TMEM266: variants seen among roughly 807,000 people sequenced by gnomAD.
The protein encoded by TMEM266 is transmembrane protein 266, also known as Hv1 related protein 1.
Under a neutral mutation model 50.5 loss-of-function variants are expected in TMEM266, and 33 were observed. The observed-to-expected ratio is 0.65, with a 90% confidence interval of 0.50 to 0.87. The LOEUF (loss-of-function observed/expected upper bound fraction) is 0.87, where lower values mean the gene tolerates loss of function less well. Among genes scored for constraint, TMEM266 ranks in the 40% least tolerant of loss-of-function variants. The pLI is 0.00. For synonymous variants in TMEM266, 310 were observed against 292.3 expected (o/e 1.06, Z -0.62); for missense variants, 655 against 695.1 (o/e 0.94, Z 0.65).
intron 8 of TMEM266, among the ~76,000 whole-genome samples, chr15:76,178,368 G>A (rs1372121064): frequency 6.6e-6 from 1 of 152,168 alleles, no homozygotes; most frequent in Non-Finnish European, 1.5e-5. Context: ...GTGTCATCCA[G>A]AAAGCGACTG....
intron 8 of TMEM266, among the ~76,000 whole-genome samples, chr15:76,179,048 C>T (rs1038429911): frequency 6.6e-6 from 1 of 152,032 alleles, no homozygotes; most frequent in Admixed American, 6.5e-5. Context: ...GTAACAGATA[C>T]CCTGGAGGAA....
chr15:76,143,930 A>T (rs964456157), intron 3 of TMEM266, among the ~76,000 whole-genome samples: 2 of 152,046 alleles, frequency 1.3e-5, no homozygotes, highest in Non-Finnish European at 2.9e-5. Flanking sequence ...TCCTGGACAT[A>T]CTCACAGGGA....
In TMEM266 at chr15:76,090,841, A is replaced by G. The variant is rs144122238; in HGVS notation, c.-97+30825A>G. Among the ~76,000 whole-genome samples, 3 of 152,342 alleles carry G rather than the reference A, an allele frequency of 2.0e-5. No homozygotes were observed. In the East Asian group the frequency reaches 5.8e-4, roughly 29 times the overall value. On this transcript the variant is annotated intron_variant, in intron 1 of 10. Transcript: ENST00000388942. The stretch of plus-strand genomic sequence containing the variant: ...CTAGATGGATGGAATAAGTTATAGT[A>G]TTCTATAGTACTGGGGGGTAAATAT...
chr15:76,146,940 G>T (rs2037766172), intron 3 of TMEM266, among the ~76,000 whole-genome samples: 1 of 152,234 alleles, frequency 6.6e-6, no homozygotes, highest in Admixed American at 6.5e-5. Flanking sequence ...CTTCCTCACG[G>T]CAGGGATCAG....
intron 1 of TMEM266, among the ~76,000 whole-genome samples, chr15:76,067,574 A>G (rs1474513720): frequency 6.7e-6 from 1 of 148,836 alleles, no homozygotes; most frequent in Non-Finnish European, 1.5e-5. Context: ...CGGAGGTTGC[A>G]ATGAGCCGAG....
Position 76,169,834 on chromosome 15 carries a change from G to A in TMEM266, c.475G>A (p.Val159Met). 1 of 1,614,032 alleles carries A rather than the reference G, an allele frequency of 6.2e-7. No homozygotes were observed. The highest frequency in any genetic ancestry group is 8.5e-7 in the Non-Finnish European group (1 of 1,179,942). ...TCCTCAGACTGTTCTACGGATTGTGGTGCTTGGGATCTGGGATTACATCGA... is the reference window on the plus strand; with the variant it reads ...TCCTCAGACTGTTCTACGGATTGTGATGCTTGGGATCTGGGATTACATCGA... The change falls in exon 6 of 11, where the codon GTG (valine) becomes ATG (methionine). Residue 159 changes from valine (V) to methionine (M), a missense_variant. Physicochemically the swap from Val to Met is conservative, Grantham distance 21. This residue lies in a region of TMEM266 where 101 missense variants were observed against 182.6 expected (regional missense o/e 0.55). Coordinates refer to ENST00000388942, the MANE Select transcript of TMEM266 (RefSeq NM_152335.3).
chr15:76,090,374 C>A (rs934142305), intron 1 of TMEM266, among the ~76,000 whole-genome samples: 2 of 151,668 alleles, frequency 1.3e-5, no homozygotes, highest in African/African-American at 4.9e-5. Flanking sequence ...CACCTGCAAT[C>A]CCAGCTGCTC....
At chr15:76,061,610 A>G (rs1409661317) in intron 1 of TMEM266, among the ~76,000 whole-genome samples, 1 of 152,206 alleles carries the variant, frequency 6.6e-6, no homozygotes, top group African/African-American at 2.4e-5. Context: ...CAGTAAGAAA[A>G]GCAGTTGTTT....
intron 5 of TMEM266, among the ~76,000 whole-genome samples, chr15:76,166,333 T>C (rs1009114087): frequency 2.0e-5 from 3 of 152,154 alleles, no homozygotes; most frequent in Non-Finnish European, 4.4e-5. Context: ...GCAGGAGGCC[T>C]GGCTGGGAGG....
rs200903166 is a variant in TMEM266 at position 76,203,798 on chromosome 15, A to G, written c.1079A>G (p.His360Arg). The G allele has an allele frequency of 2.1e-5, 34 of 1,614,034 alleles. No individual in the cohort carries two copies. The South Asian group carries it at 3.5e-4, about 17-fold the overall frequency. Residue 360 changes from histidine to arginine, a missense_variant, in exon 11 of 11, where the codon CAC becomes CGC. By Grantham distance (29) the His-to-Arg change is conservative. Coordinates refer to ENST00000388942, the MANE Select transcript of TMEM266 (RefSeq NM_152335.3). ...GTCACCACGGCCGCAATAGACATTC[A>G]CCAGCCCAACATCTCCTCGGACCTC...
At chr15:76,203,718 C>T in intron 10 of TMEM266, 23 bp from the exon 11 acceptor site, 1 of 1,597,620 alleles carries the variant, frequency 6.3e-7, no homozygotes, top group African/African-American at 1.3e-5. Context: ...GAAGTGTGAC[C>T]AAGATCCCCT....
At chr15:76,066,171 A>G (rs943389079) in intron 1 of TMEM266, among the ~76,000 whole-genome samples, 1 of 152,236 alleles carries the variant, frequency 6.6e-6, no homozygotes, top group African/African-American at 2.4e-5. Context: ...TTTAACTGCC[A>G]AAACATTATG....
chr15:76,169,736 G>A, intron 5 of TMEM266, 80 bp from the exon 6 acceptor site: 2 of 1,478,022 alleles, frequency 1.4e-6, no homozygotes, highest in Admixed American at 3.4e-5. Flanking sequence ...CAGAAGCAGA[G>A]CTCTGAGTGC....
intron 1 of TMEM266, among the ~76,000 whole-genome samples, chr15:76,116,809 C>T (rs181152271): frequency 3.8e-4 from 58 of 152,060 alleles, no homozygotes; most frequent in Non-Finnish European, 4.6e-4. Flanking sequence ...CAACTTTTCA[C>T]GTTAATGAAA....
intron 4 of TMEM266, among the ~76,000 whole-genome samples, chr15:76,157,135 C>T (rs945058249): frequency 1.3e-5 from 2 of 152,148 alleles, no homozygotes; most frequent in African/African-American, 4.8e-5. Flanking sequence ...TTCCCATTTA[C>T]GGAGGCATCT....
At chr15:76,120,665 G>A (rs1452796091) in intron 1 of TMEM266, among the ~76,000 whole-genome samples, 1 of 150,952 alleles carries the variant, frequency 6.6e-6, no homozygotes, top group African/African-American at 2.4e-5. Flanking sequence ...GGAGGCTGAG[G>A]CAGGAGAATT....
rs566094095 is a variant in TMEM266, at chr15:76,197,225, G to A, written c.959-4977G>A. Among the ~76,000 whole-genome samples the A allele has an allele frequency of 1.8e-4, 28 of 152,324 alleles. No individual in the cohort carries two copies. The South Asian group carries it at 4.3e-3, about 24-fold the overall frequency. On this transcript the variant is annotated intron_variant, in intron 9 of 10. Transcript: ENST00000388942. ...GGCCTCTAAATGTGTGGGCCTGACC[G>A]GGACACTGGGGACCCCAGGAACCCC... is the stretch of plus-strand genomic sequence containing the variant.
intron 1 of TMEM266, among the ~76,000 whole-genome samples, chr15:76,108,442 C>T (rs967568951): frequency 6.6e-6 from 1 of 152,204 alleles, no homozygotes; most frequent in Non-Finnish European, 1.5e-5. Flanking sequence ...CAAACTGTAA[C>T]GTCTTATAAA....
At chr15:76,102,101 A>C (rs1394172254) in intron 1 of TMEM266, among the ~76,000 whole-genome samples, 1 of 152,094 alleles carries the variant, frequency 6.6e-6, no homozygotes, top group Non-Finnish European at 1.5e-5. Flanking sequence ...GGCCCCTAAC[A>C]TTATGTCCCC....
Sources: allele counts gnomAD v4.1 joint callset (sites outside exome capture counted in the v4.1 genomes callset), GRCh38; gene constraint gnomAD v4.1.1; regional missense constraint gnomAD v4.1.1; transcripts MANE v1.5; gene names NCBI Gene and HGNC (gene_info 2026-07-23, HGNC 2026-07-21).